The following POFUT3 variants were observed in gnomAD, a reference collection of about 807,000 sequenced individuals.
POFUT3 encodes protein O-fucosyltransferase 3, also known as GDP-fucose protein O-fucosyltransferase 3.
At chr8:33,317,812 C>A in the POFUT3 span, among the ~76,000 whole-genome samples, 1 of 152,094 alleles carries the variant, frequency 6.6e-6, no homozygotes, top group Admixed American at 6.6e-5. Flanking sequence ...CCCTCCGCGC[C>A]TAGAGCCTCA....
chr8:33,435,334 C>T, the POFUT3 span, among the ~76,000 whole-genome samples: 1,749 of 151,528 alleles, frequency 0.012, 39 homozygotes, highest in African/African-American at 0.04. Context: ...TCTTCTGCCT[C>T]AGCCTCCCAA....
the POFUT3 span, among the ~76,000 whole-genome samples, chr8:33,430,711 G>C: frequency 1.3e-5 from 2 of 152,164 alleles, no homozygotes; most frequent in Admixed American, 1.3e-4. Flanking sequence ...CAATTCTCCT[G>C]CTTTAGCCTG....
the POFUT3 span, among the ~76,000 whole-genome samples, chr8:33,331,552 T>C: frequency 6.6e-6 from 1 of 151,508 alleles, no homozygotes; most frequent in African/African-American, 2.4e-5. Flanking sequence ...CCGGGGGCAG[T>C]GGCTCACACC....
At chr8:33,383,755 C>T in the POFUT3 span, among the ~76,000 whole-genome samples, 2 of 151,364 alleles carry the variant, frequency 1.3e-5, no homozygotes, top group South Asian at 4.2e-4. Context: ...GCCGAAATTG[C>T]ACCACTGCAC....
At chr8:33,459,707 C>A in the POFUT3 span, among the ~76,000 whole-genome samples, 1 of 151,704 alleles carries the variant, frequency 6.6e-6, no homozygotes, top group Non-Finnish European at 1.5e-5. Context: ...GGTGCAAATT[C>A]TATCAGAGCT....
chr8:33,442,603 C>CA, the POFUT3 span, among the ~76,000 whole-genome samples: 1 of 148,884 alleles, frequency 6.7e-6, no homozygotes, highest in African/African-American at 2.5e-5. Flanking sequence ...ACTTCTTAAC[C>CA]AAAAAAAGGC....
the POFUT3 span, among the ~76,000 whole-genome samples, chr8:33,427,414 C>T: frequency 2.1e-4 from 32 of 151,992 alleles, 2 homozygotes; most frequent in South Asian, 6.6e-3. Context: ...CCCGTCTCTA[C>T]TAAAAATGCA....
the POFUT3 span, among the ~76,000 whole-genome samples, chr8:33,357,350 ATCT>A: frequency 3.9e-5 from 6 of 151,940 alleles, no homozygotes; most frequent in Non-Finnish European, 8.8e-5. Flanking sequence ...AAAGGTTTTG[ATCT>A]TCTTTTCTAA....
the POFUT3 span, among the ~76,000 whole-genome samples, chr8:33,414,406 T>C: frequency 6.6e-6 from 1 of 152,132 alleles, no homozygotes; most frequent in African/African-American, 2.4e-5. Flanking sequence ...TCTAAAAACT[T>C]ACCTACAGCC....
At chr8:33,375,160 G>C in the POFUT3 span, among the ~76,000 whole-genome samples, 1 of 151,998 alleles carries the variant, frequency 6.6e-6, no homozygotes, top group Non-Finnish European at 1.5e-5. Flanking sequence ...CCAAAGTGCT[G>C]GGAGTACAGG....
chr8:33,331,289 G>A, the POFUT3 span, among the ~76,000 whole-genome samples: 1 of 151,528 alleles, frequency 6.6e-6, no homozygotes, highest in Non-Finnish European at 1.5e-5. Context: ...AGCTGAGATC[G>A]CGCCATTGCA....
the POFUT3 span, chr8:33,436,373 G>T: frequency 7.2e-7 from 1 of 1,379,398 alleles, no homozygotes. Flanking sequence ...CTTTCATGAT[G>T]TCACATTCAA....
the POFUT3 span, among the ~76,000 whole-genome samples, chr8:33,458,706 T>G: frequency 1.3e-5 from 2 of 151,516 alleles, no homozygotes; most frequent in Non-Finnish European, 2.9e-5. Flanking sequence ...AGAGCAAGAC[T>G]CCGTCTCAAA....
At chr8:33,377,890 G>T in the POFUT3 span, among the ~76,000 whole-genome samples, 1 of 152,194 alleles carries the variant, frequency 6.6e-6, no homozygotes, top group Admixed American at 6.5e-5. Context: ...ATTCCAGAGG[G>T]TGACAAAGCC....
chr8:33,448,732 A>G, the POFUT3 span, among the ~76,000 whole-genome samples: 1 of 152,036 alleles, frequency 6.6e-6, no homozygotes, highest in East Asian at 1.9e-4. Context: ...TCAGGAGTTC[A>G]AGACCAGCCT....
the POFUT3 span, among the ~76,000 whole-genome samples, chr8:33,312,129 G>T: frequency 6.6e-6 from 1 of 152,148 alleles, no homozygotes; most frequent in South Asian, 2.1e-4. Context: ...AGGCGTGGTG[G>T]CACATACCTG....
At chr8:33,351,980 T>C in the POFUT3 span, among the ~76,000 whole-genome samples, 1 of 152,148 alleles carries the variant, frequency 6.6e-6, no homozygotes, top group Non-Finnish European at 1.5e-5. Flanking sequence ...TGAGACAAAA[T>C]CTTTTGCTCA....
chr8:33,376,436 G>A, the POFUT3 span, among the ~76,000 whole-genome samples: 1 of 152,330 alleles, frequency 6.6e-6, no homozygotes, highest in Admixed American at 6.5e-5. Flanking sequence ...GTGAAGAGGT[G>A]ATGACTTTGA....
chr8:33,451,057 AG>A, the POFUT3 span, among the ~76,000 whole-genome samples: 1 of 112,814 alleles, frequency 8.9e-6, no homozygotes, highest in African/African-American at 3.7e-5. Flanking sequence ...GTACACACAA[AG>A]GAGGTGTATG....
Sources: gnomAD v4.1 joint callset for allele counts (sites outside exome capture counted in the v4.1 genomes callset) on GRCh38, gnomAD v4.1.1 for gene constraint, MANE v1.5 for transcripts, NCBI Gene and HGNC (gene_info 2026-07-23, HGNC 2026-07-21) for gene names.